Variants in PTPRH observed in about 807,000 individuals in gnomAD.
PTPRH encodes receptor-type tyrosine-protein phosphatase H.
Under a neutral mutation model 130.2 loss-of-function variants are expected in PTPRH, and 113 were observed. The observed-to-expected ratio is 0.87, with a 90% CI of 0.75 to 1.01. The LOEUF is 1.01. PTPRH is among the 50% of genes least tolerant of loss of function. The probability of loss-of-function intolerance (pLI) is 0.00; values close to 1 mark genes in which losing one functional copy is unlikely to be tolerated. For missense variants in PTPRH, 1,430 were observed against 1,425.0 expected, an observed-to-expected ratio of 1.00 and a Z score of -0.06; for synonymous variants, 556 against 577.9, an observed-to-expected ratio of 0.96 and a Z score of 0.54.
chr19:55,207,366 G>A (rs1314542963), intron 1 of PTPRH, 167 bp from the exon 2 acceptor site: 1 of 690,960 alleles, frequency 1.4e-6, no homozygotes, highest in African/African-American at 1.8e-5. Flanking sequence ...GTCTTTCCTG[G>A]GTCGAGGAGA....
chr19:55,209,461 A>C lies in PTPRH; in HGVS notation c.-28T>G, dbSNP rs760648728. ...CTCCAGACACTGCCGGGGACCCAGG[A>C]GTCCCAGGCCTAGTCCTTCCACCTG... is the stretch of plus-strand genomic sequence containing the variant. On this transcript the variant is annotated 5_prime_UTR_variant, in exon 1 of 20. Transcript: ENST00000376350. The surrounding 1 kb of genome is among the most constrained non-coding windows in gnomAD (Gnocchi z 4.1). 6.7e-7 allele frequency: 1 copy of C among 1,493,052 alleles called. No individual in the cohort carries two copies. Among genetic ancestry groups the C allele is most frequent in the Non-Finnish European group, 9.1e-7 (1 of 1,093,288 alleles). The allele number at this position is 1,493,052 out of a possible 1,614,324, so 92.5% of individuals were successfully genotyped here.
At chr19:55,189,727 T>G (rs1021232653) in intron 12 of PTPRH, 1 of 455,858 alleles carries the variant, frequency 2.2e-6, no homozygotes, top group Non-Finnish European at 4.4e-6. Flanking sequence ...ACGCCTGTGA[T>G]GCAAACACTT....
intron 8 of PTPRH, among the ~76,000 whole-genome samples, 182 bp from the exon 9 acceptor site, chr19:55,197,598 C>T (rs1433774794): frequency 5.3e-5 from 8 of 152,152 alleles, no homozygotes; most frequent in Non-Finnish European, 1.2e-4. Context: ...ATCTCCTAGC[C>T]CTCTCCGTCC....
chr19:55,197,183 T>C lies in PTPRH; in HGVS notation c.1924A>G (p.Asn642Asp). 6.2e-7 allele frequency: 1 copy of C among 1,614,240 alleles called. No homozygotes were observed. Residue 642 changes from asparagine to aspartate, a missense_variant, in exon 9 of 20, where the codon AAT becomes GAT. Coordinates refer to ENST00000376350, the MANE Select transcript of PTPRH (RefSeq NM_002842.5). The part of the protein sequence containing the change: ...VEALEPGTLY[N>D]FTVWAERNDV... ...TTCCTCTCTGCCCACACGGTGAAAT[T>C]GTACAACGTCCCGGGTTCCAGGGCC... is the stretch of plus-strand genomic sequence containing the variant.
rs745516482 is a variant in PTPRH at position 55,202,121 on chromosome 19, A to G, written c.1088T>C (p.Val363Ala). ...ATTCTTCCCCACCCACACGGAAAAC[A>G]CATACAAACACCCGGGTTCAAGTCT... ...VDRLEPGCLYVFSVWVGKNGI... is the reference protein window; with the variant it reads ...VDRLEPGCLYAFSVWVGKNGI... Residue 363 changes from valine (V) to alanine (A), a missense_variant, in exon 6 of 20, where the codon GTG (valine) becomes GCG (alanine). Coordinates refer to ENST00000376350, the MANE Select transcript of PTPRH (RefSeq NM_002842.5). 27 of 1,614,172 alleles carry G rather than the reference A, an allele frequency of 1.7e-5. No individual in the cohort carries two copies. Among genetic ancestry groups the G allele is most frequent in the Non-Finnish European group, 1.9e-5 (22 of 1,180,032 alleles).
At position 55,186,289 on chromosome 19, in the gene PTPRH, C is replaced by T. The variant is rs776242490; in HGVS notation, c.2714G>A (p.Arg905His). Residue 905 changes from arginine to histidine, a missense_variant, in exon 16 of 20, where the codon CGC becomes CAC. Arg to His is a conservative substitution (Grantham distance 29). Coordinates refer to ENST00000376350, the MANE Select transcript of PTPRH (RefSeq NM_002842.5). Reference protein sequence around the residue: ...PLPQTVGDFWRLVWEQQSHTL... With the variant: ...PLPQTVGDFWHLVWEQQSHTL... ...GTGGCTCTGCTGTTCCCACACCAGG[C>T]GCCAGAAGTCACCCACTGTCTGTGG... 28 of 1,613,940 alleles carry T rather than the reference C, an allele frequency of 1.7e-5. No individual in the cohort carries two copies. Among genetic ancestry groups the T allele is most frequent in the East Asian group, 2.2e-5 (1 of 44,884 alleles).
intron 8 of PTPRH, 139 bp from the exon 9 acceptor site, chr19:55,197,555 G>A (rs2086727041): frequency 1.3e-6 from 1 of 785,736 alleles, no homozygotes; most frequent in Middle Eastern, 3.7e-4. Flanking sequence ...CCACAGGAAA[G>A]AGTCTAGATA....
At chr19:55,196,312 C>T (rs1001895879) in intron 10 of PTPRH, among the ~76,000 whole-genome samples, 1 of 152,096 alleles carries the variant, frequency 6.6e-6, no homozygotes, top group African/African-American at 2.4e-5. Context: ...CACTTGAACC[C>T]GGGAGGCAGA....
Position 55,182,114 on chromosome 19 carries a change from C to T in PTPRH, c.3100G>A (p.Asp1034Asn), listed in dbSNP as rs765464453. Residue 1034 changes from aspartate to asparagine, a missense_variant, in exon 19 of 20, where the codon GAC (aspartate) becomes AAC (asparagine). Asp to Asn is a conservative substitution (Grantham distance 23, BLOSUM62 1). Transcript: ENST00000376350. ...VGRTGTLIAL[D>N]VLLRQLQSEG... is the part of the protein sequence containing the mutation. The stretch of plus-strand genomic sequence containing the variant: ...GACTGCAGCTGCCGGAGCAGGACGT[C>T]CAGGGCAATGAGGGTTCCTGTGCGA... 6.2e-7 allele frequency: 1 copy of T among 1,614,078 alleles called. No individual in the cohort carries two copies. Among genetic ancestry groups the T allele is most frequent in the East Asian group, 2.2e-5 (1 of 44,874 alleles).
intron 18 of PTPRH, among the ~76,000 whole-genome samples, chr19:55,184,753 C>T (rs988530150): frequency 6.6e-6 from 1 of 151,650 alleles, no homozygotes; most frequent in African/African-American, 2.4e-5. Context: ...CGCCATTGCA[C>T]TCCACCCTGG....
rs1029173822 is a variant in PTPRH at position 55,203,632 on chromosome 19, A to G, written c.886+150T>C. On this transcript the variant is annotated intron_variant, in intron 5 of 19. Transcript: ENST00000376350. Reference sequence around the variant, plus strand: ...GACCAGTTTCTTTGTACTTATTTTTATGTGGCTGATAGAAAATTGAAATTC... The same window carrying G: ...GACCAGTTTCTTTGTACTTATTTTTGTGTGGCTGATAGAAAATTGAAATTC... The G allele has an allele frequency of 1.3e-5, 12 of 954,484 alleles. No individual in the cohort carries two copies. The African/African-American group carries it at 1.8e-4, about 15-fold the overall frequency. The allele number at this position is 954,484 out of a possible 1,614,324, so 59.1% of individuals were successfully genotyped here. A position where few individuals can be genotyped will look rare whatever the true frequency, so the allele number is the denominator to read the frequency against.
At chr19:55,186,177 G>C in intron 16 of PTPRH, 48 bp downstream of exon 16, 1 of 1,582,362 alleles carries the variant, frequency 6.3e-7, no homozygotes, top group East Asian at 2.2e-5. Context: ...ATGAGTGTTC[G>C]GGGCGGGGTC....
intron 1 of PTPRH, among the ~76,000 whole-genome samples, chr19:55,208,932 G>C (rs2122406161): frequency 7.8e-6 from 1 of 127,658 alleles, no homozygotes; most frequent in East Asian, 2.4e-4. Flanking sequence ...GGAGGGGCTG[G>C]GGTCTGGACT....
Position 55,188,126 on chromosome 19 carries a change from GA to G in PTPRH, c.2426del (p.Val809AlafsTer55). ...AGTTGCTGTCCCTCTCATTCTTCCT[GA>G]CGTGGTCAGCGAAGTCTTCAGCTGG... ...DIPAEDFADH[V>X]RKNERDSNCG... On this transcript the variant is annotated frameshift_variant, in exon 13 of 20. Coordinates refer to ENST00000376350, the MANE Select transcript of PTPRH (RefSeq NM_002842.5). 6.2e-7 allele frequency: 1 copy of G among 1,614,092 alleles called. No homozygotes were observed. The highest frequency in any genetic ancestry group is 1.7e-5 in the Admixed American group (1 of 60,010).
intron 8 of PTPRH, among the ~76,000 whole-genome samples, chr19:55,198,172 C>T (rs1384660514): frequency 6.6e-6 from 1 of 152,172 alleles, no homozygotes; most frequent in Non-Finnish European, 1.5e-5. Context: ...ACCATGATCA[C>T]ACTACTGCAC....
chr19:55,194,336 T>A, intron 10 of PTPRH: 1 of 1,272,340 alleles, frequency 7.9e-7, no homozygotes, highest in Non-Finnish European at 1.0e-6. Context: ...AACTGAAGGG[T>A]CTTACAACCT....
chr19:55,182,213 C>A, intron 18 of PTPRH, 62 bp from the exon 19 acceptor site: 1 of 1,546,630 alleles, frequency 6.5e-7, no homozygotes, highest in Non-Finnish European at 8.8e-7. Flanking sequence ...GGGGTCATGG[C>A]TGATTGGAGG....
rs201237800 is a variant in PTPRH, at chr19:55,197,376, A to G, written c.1731T>C (p.Thr577=). The change falls in exon 9 of 20, where the codon ACT becomes ACC. Residue 577 remains threonine, a synonymous_variant. Coordinates refer to ENST00000376350, the MANE Select transcript of PTPRH (RefSeq NM_002842.5). ...EVTDLQNETQ[T]KNSVMLWWKA... ...TCCACCACAGCATGACTGAGTTCTT[A>G]GTCTGAGTTTCATTCTGGAGATCTG... 2 of 1,613,670 alleles carry G rather than the reference A, an allele frequency of 1.2e-6. No individual in the cohort carries two copies. Among genetic ancestry groups the G allele is most frequent in the African/African-American group, 2.7e-5 (2 of 74,908 alleles).
At chr19:55,204,829 T>A (rs144566182) in intron 4 of PTPRH, among the ~76,000 whole-genome samples, 1 of 152,312 alleles carries the variant, frequency 6.6e-6, no homozygotes, top group East Asian at 1.9e-4. Flanking sequence ...TGAAACTGAA[T>A]TTGCAGTTTC....
Sources: gnomAD v4.1 joint callset for allele counts (sites outside exome capture counted in the v4.1 genomes callset) on GRCh38, gnomAD v4.1.1 for gene constraint, Gnocchi (gnomAD v3.1) non-coding constraint, MANE v1.5 for transcripts, NCBI Gene and HGNC (gene_info 2026-07-23, HGNC 2026-07-21) for gene names.